Variants in MGLL observed in about 807,000 individuals in gnomAD.
The protein encoded by MGLL is lysophospholipase homolog.
A neutral mutation model predicts 29.1 loss-of-function variants in MGLL; 7 were observed. The observed-to-expected ratio is 0.24, with a 90% CI of 0.14 to 0.45. The LOEUF (loss-of-function observed/expected upper bound fraction) is 0.45. Ranked by LOEUF, MGLL falls within the 20% of genes least tolerant of loss-of-function variation. The probability of loss-of-function intolerance (pLI) is 0.99; values close to 1 mark genes in which losing one functional copy is unlikely to be tolerated. For synonymous variants in MGLL, 148 were observed against 168.3 expected, an observed-to-expected ratio of 0.88 and a Z score of 0.93; for missense variants, 356 against 413.6, an observed-to-expected ratio of 0.86 and a Z score of 1.21.
intron 2 of MGLL, among the ~76,000 whole-genome samples, chr3:127,819,628 A>T (rs2077822171): frequency 6.6e-6 from 1 of 151,988 alleles, no homozygotes; most frequent in African/African-American, 2.4e-5. Context: ...GCCTGGGGGG[A>T]AAGATTGAAG....
intron 3 of MGLL, among the ~76,000 whole-genome samples, chr3:127,731,303 C>G (rs985290635): frequency 6.6e-6 from 1 of 151,280 alleles, no homozygotes; most frequent in Non-Finnish European, 1.5e-5. Context: ...CAGGCGCACA[C>G]CACTATGCCT....
At chr3:127,739,404 C>A (rs1576529780) in intron 3 of MGLL, among the ~76,000 whole-genome samples, 1 of 152,162 alleles carries the variant, frequency 6.6e-6, no homozygotes, top group Non-Finnish European at 1.5e-5. Context: ...GAAATAAGAA[C>A]TAAAAGTCAA....
chr3:127,816,260 A>G (rs748798955), intron 2 of MGLL, among the ~76,000 whole-genome samples: 1 of 152,188 alleles, frequency 6.6e-6, no homozygotes, highest in Admixed American at 6.5e-5. Context: ...TCTACACTCA[A>G]AGATGAAAAC....
chr3:127,722,244 G>A (rs2075940944), intron 4 of MGLL, among the ~76,000 whole-genome samples, 186 bp downstream of exon 4: 1 of 152,220 alleles, frequency 6.6e-6, no homozygotes, highest in Non-Finnish European at 1.5e-5. Context: ...ACTAAGGACC[G>A]GCTGGCAGCC....
At chr3:127,810,833 C>T (rs1397132435) in intron 2 of MGLL, among the ~76,000 whole-genome samples, 1 of 151,794 alleles carries the variant, frequency 6.6e-6, no homozygotes, top group Admixed American at 6.5e-5. Flanking sequence ...ACCATTCCCC[C>T]ACCCAATCAA....
intron 2 of MGLL, among the ~76,000 whole-genome samples, chr3:127,816,344 C>A (rs1399343207): frequency 6.6e-6 from 1 of 152,194 alleles, no homozygotes; most frequent in Non-Finnish European, 1.5e-5. Flanking sequence ...AAGCACTCAA[C>A]AGCCGGCTGA....
chr3:127,725,018 C>A (rs981812976), intron 3 of MGLL, among the ~76,000 whole-genome samples: 6 of 152,108 alleles, frequency 3.9e-5, no homozygotes, highest in Non-Finnish European at 8.8e-5. Context: ...AGCCCCCAAG[C>A]TGCCCTCTTC....
chr3:127,747,846 G>A (rs1213477325), intron 3 of MGLL, among the ~76,000 whole-genome samples: 2 of 152,188 alleles, frequency 1.3e-5, no homozygotes, highest in Non-Finnish European at 2.9e-5. Context: ...CCCTGGGGTG[G>A]CTCCCAGACT....
intron 3 of MGLL, among the ~76,000 whole-genome samples, chr3:127,732,359 C>T (rs1255640586): frequency 6.6e-6 from 1 of 152,158 alleles, no homozygotes; most frequent in Non-Finnish European, 1.5e-5. Flanking sequence ...CCTGGAGAGA[C>T]TAAAGGGCAG....
intron 3 of MGLL, among the ~76,000 whole-genome samples, chr3:127,740,589 T>C (rs1019308153): frequency 7.2e-5 from 11 of 152,126 alleles, no homozygotes; most frequent in African/African-American, 2.7e-4. Flanking sequence ...TCCAGTTCTG[T>C]GGGGGTTGTG....
At chr3:127,712,813 TG>T (rs1288316250) in intron 5 of MGLL, 1 of 152,254 alleles carries the variant, frequency 6.6e-6, no homozygotes, top group Non-Finnish European at 1.5e-5. Flanking sequence ...AGAACGAGCC[TG>T]GGAAAGGAAA....
At chr3:127,807,953 G>T (rs916436761) in intron 2 of MGLL, among the ~76,000 whole-genome samples, 6 of 151,716 alleles carry the variant, frequency 4.0e-5, no homozygotes, top group African/African-American at 1.5e-4. Flanking sequence ...GTAGGGATGC[G>T]ATTTCACCAT....
Position 127,758,875 on chromosome 3 carries a change from G to C in MGLL, c.262+22914C>G, listed in dbSNP as rs933266074. ...ACCCTCACAGGAAAGGATATTCTGGGGGCTCCTGGCACCTATTTCTTTCTT... is the reference window on the plus strand; with the variant it reads ...ACCCTCACAGGAAAGGATATTCTGGCGGCTCCTGGCACCTATTTCTTTCTT... On this transcript the variant is annotated intron_variant, in intron 3 of 7. Transcript: ENST00000265052. 2.6e-5 allele frequency among the ~76,000 whole-genome samples: 4 copies of C among 151,934 alleles called. No individual in the cohort carries two copies. In the East Asian group the frequency reaches 7.7e-4, roughly 29 times the overall value.
At chr3:127,693,415 GAGA>G (rs1264290893) in intron 7 of MGLL, among the ~76,000 whole-genome samples, 1 of 152,292 alleles carries the variant, frequency 6.6e-6, no homozygotes, top group Non-Finnish European at 1.5e-5. Context: ...ATCTAACCAA[GAGA>G]AGAAGTTTAG....
chr3:127,785,470 C>T (rs1046202242), intron 2 of MGLL, among the ~76,000 whole-genome samples: 1 of 152,258 alleles, frequency 6.6e-6, no homozygotes, highest in African/African-American at 2.4e-5. Flanking sequence ...AAACATTGTG[C>T]TTCTATTTCT....
At chr3:127,799,258 A>G in intron 2 of MGLL, among the ~76,000 whole-genome samples, 1 of 152,200 alleles carries the variant, frequency 6.6e-6, no homozygotes, top group East Asian at 1.9e-4. Flanking sequence ...CCTGAGCATC[A>G]GTTTTCCAGA....
chr3:127,773,336 G>A (rs978999517), intron 3 of MGLL, among the ~76,000 whole-genome samples: 4 of 152,252 alleles, frequency 2.6e-5, no homozygotes, highest in African/African-American at 7.2e-5. Context: ...TTGGGCAGGC[G>A]GCTTAACCTG....
chr3:127,769,059 T>A (rs1025491127), intron 3 of MGLL, among the ~76,000 whole-genome samples: 3 of 152,128 alleles, frequency 2.0e-5, no homozygotes, highest in Non-Finnish European at 4.4e-5. Context: ...CTAGAAAGAG[T>A]TGGATTGTCA....
At chr3:127,787,207 A>AC (rs2077229111) in intron 2 of MGLL, among the ~76,000 whole-genome samples, 1 of 152,154 alleles carries the variant, frequency 6.6e-6, no homozygotes, top group South Asian at 2.1e-4. Context: ...CCTGCAATAC[A>AC]CCAGCAGCCA....
Sources: allele counts gnomAD v4.1 joint callset (sites outside exome capture counted in the v4.1 genomes callset), GRCh38; gene constraint gnomAD v4.1.1; transcripts MANE v1.5; gene names NCBI Gene and HGNC (gene_info 2026-07-23, HGNC 2026-07-21).